Variants in MAST2 observed in about 807,000 individuals in gnomAD.
MAST2 encodes the protein microtubule associated serine/threonine kinase 2, also known as microtubule-associated serine/threonine-protein kinase 2.
Under a neutral mutation model 147.4 loss-of-function variants are expected in MAST2, and 70 were observed. The observed-to-expected ratio is 0.47, with a 90% CI of 0.39 to 0.58. MAST2 has a LOEUF of 0.58. MAST2 is among the 20% of genes least tolerant of loss of function. The pLI is 0.00. For missense variants in MAST2, 2,080 were observed against 2,302.3 expected (o/e 0.90, Z 1.98); for synonymous variants, 869 against 896.8 (o/e 0.97, Z 0.55).
chr1:45,867,866 T>A (rs1051045406), intron 3 of MAST2, among the ~76,000 whole-genome samples: 1 of 152,186 alleles, frequency 6.6e-6, no homozygotes, highest in African/African-American at 2.4e-5. Context: ...AACAATGAAG[T>A]CCAGAGGTTG....
intron 10 of MAST2, among the ~76,000 whole-genome samples, chr1:46,014,167 ATTTTTC>A (rs1231854343): frequency 6.7e-6 from 1 of 148,508 alleles, no homozygotes; most frequent in Non-Finnish European, 1.5e-5. Flanking sequence ...TTGATTATGT[ATTTTTC>A]TTTTTTTTAT....
chr1:45,911,681 C>T (rs941051990), intron 4 of MAST2, among the ~76,000 whole-genome samples: 4 of 151,306 alleles, frequency 2.6e-5, no homozygotes, highest in Admixed American at 2.6e-4. Context: ...TTCTCTGTGT[C>T]TTTAAAAAAT....
At chr1:45,996,424 C>T (rs1645061079) in intron 5 of MAST2, among the ~76,000 whole-genome samples, 2 of 152,152 alleles carry the variant, frequency 1.3e-5, no homozygotes, top group South Asian at 4.2e-4. Context: ...TTATTAAGTC[C>T]TGGCTAAGGA....
intron 11 of MAST2, among the ~76,000 whole-genome samples, chr1:46,021,181 A>T (rs1253241741): frequency 6.6e-6 from 1 of 152,220 alleles, no homozygotes; most frequent in Non-Finnish European, 1.5e-5. Context: ...CCAGATAGGT[A>T]CAGTTCTCCA....
chr1:45,916,617 G>A (rs188719792), intron 4 of MAST2, among the ~76,000 whole-genome samples: 35 of 152,146 alleles, frequency 2.3e-4, no homozygotes, highest in African/African-American at 8.0e-4. Context: ...AAACAAATTG[G>A]TATTATTGTT....
At chr1:45,859,358 C>T (rs1031792181) in intron 3 of MAST2, among the ~76,000 whole-genome samples, 1 of 152,208 alleles carries the variant, frequency 6.6e-6, no homozygotes, top group Non-Finnish European at 1.5e-5. Flanking sequence ...CCTTTGCTTC[C>T]CAAAGTGCTG....
intron 4 of MAST2, among the ~76,000 whole-genome samples, chr1:45,904,094 G>T (rs1389503421): frequency 6.6e-6 from 1 of 152,048 alleles, no homozygotes; most frequent in Non-Finnish European, 1.5e-5. Flanking sequence ...TTAAACTCCT[G>T]GTCTCAAGTG....
In MAST2 at chr1:46,034,160, C is replaced by G; in HGVS notation, c.3762C>G (p.Ser1254=). The change falls in exon 28 of 29, where the codon TCC becomes TCG. Residue 1254 remains serine (S), a synonymous_variant. Coordinates refer to ENST00000361297, the MANE Select transcript of MAST2 (RefSeq NM_015112.3). ...GCAGCCTTTCTTCCCTTAACCGCTC[C>G]TTGTCATCAGGGGAGAGTGGGCCAG... is the stretch of plus-strand genomic sequence containing the variant. ...TSRSLSSLNR[S]LSSGESGPGS... 1 of 1,614,158 alleles carries G rather than the reference C, an allele frequency of 6.2e-7. No homozygotes were observed. Among genetic ancestry groups the G allele is most frequent in the Non-Finnish European group, 8.5e-7 (1 of 1,180,012 alleles).
chr1:45,884,097 A>C (rs1452009147), intron 4 of MAST2, among the ~76,000 whole-genome samples: 1 of 151,832 alleles, frequency 6.6e-6, no homozygotes, highest in African/African-American at 2.4e-5. Flanking sequence ...TTTATACCAG[A>C]ATAATTTTTT....
chr1:45,913,856 G>T, intron 4 of MAST2: 3 of 1,242,212 alleles, frequency 2.4e-6, no homozygotes, highest in Non-Finnish European at 3.1e-6. Flanking sequence ...AAGAGAGACT[G>T]GGAGCACCAT....
rs370788535 is a variant in MAST2 at position 46,035,775 on chromosome 1, G to A, written c.5106G>A (p.Gln1702=). The A allele has an allele frequency of 2.3e-4, 379 of 1,614,116 alleles. No individual in the cohort carries two copies. The highest frequency in any genetic ancestry group is 6.0e-5 in the Non-Finnish European group (71 of 1,180,028). Residue 1702 remains glutamine, a synonymous_variant, in exon 29 of 29, where the codon CAG becomes CAA. Coordinates refer to ENST00000361297, the MANE Select transcript of MAST2 (RefSeq NM_015112.3). This position sits in a 1 kb window ranked among gnomAD's most constrained non-coding sequence, Gnocchi z 5.5. The part of the protein sequence containing the change: ...AQPKNLSPRE[Q]GKTQPPSAPR... ...CTAAGAACCTGTCTCCCAGGGAGCA[G>A]GGGAAGACACAGCCACCTAGTGCCC... is the stretch of plus-strand genomic sequence containing the variant.
intron 3 of MAST2, among the ~76,000 whole-genome samples, chr1:45,835,602 G>C (rs919225969): frequency 6.6e-6 from 1 of 151,228 alleles, no homozygotes; most frequent in Non-Finnish European, 1.5e-5. Flanking sequence ...GTTGAGATGA[G>C]ATTTTCAGAT....
At chr1:46,001,766 G>T (rs1279325598) in intron 6 of MAST2, among the ~76,000 whole-genome samples, 1 of 152,142 alleles carries the variant, frequency 6.6e-6, no homozygotes, top group African/African-American at 2.4e-5. Flanking sequence ...AGAAGCCCCA[G>T]CAAGATTTAT....
chr1:46,013,916 C>A (rs1645820766), intron 10 of MAST2, among the ~76,000 whole-genome samples: 1 of 152,138 alleles, frequency 6.6e-6, no homozygotes, highest in South Asian at 2.1e-4. Context: ...TCACCAACTG[C>A]TCAACCTTTC....
intron 3 of MAST2, among the ~76,000 whole-genome samples, chr1:45,835,948 T>C (rs1192074413): frequency 6.6e-6 from 1 of 152,256 alleles, no homozygotes; most frequent in Non-Finnish European, 1.5e-5. Context: ...TTATTCCTTT[T>C]TTATGGCTGA....
intron 3 of MAST2, 37 bp from the exon 4 acceptor site, chr1:45,882,327 G>T: frequency 5.8e-6 from 9 of 1,560,320 alleles, no homozygotes; most frequent in Non-Finnish European, 6.2e-6. Flanking sequence ...ACTCAGATGG[G>T]TTCTTATTTC....
chr1:45,847,752 C>T (rs1267195113), intron 3 of MAST2, among the ~76,000 whole-genome samples: 2 of 152,004 alleles, frequency 1.3e-5, no homozygotes, highest in Non-Finnish European at 2.9e-5. Flanking sequence ...TGAGATTTTG[C>T]CATATTGCCC....
intron 4 of MAST2, among the ~76,000 whole-genome samples, chr1:45,942,161 T>C (rs1043199239): frequency 3.4e-5 from 5 of 147,618 alleles, no homozygotes. Context: ...TTTTTTTTTT[T>C]AACTGAACCA....
At chr1:46,029,656 A>G in intron 19 of MAST2, 89 bp downstream of exon 19, 1 of 1,404,868 alleles carries the variant, frequency 7.1e-7, no homozygotes, top group Non-Finnish European at 9.8e-7. Flanking sequence ...GGCTTCGGTT[A>G]CGGGCAGCCC....
Sources: gnomAD v4.1 joint callset for allele counts (sites outside exome capture counted in the v4.1 genomes callset) on GRCh38, gnomAD v4.1.1 for gene constraint, Gnocchi (gnomAD v3.1) non-coding constraint, MANE v1.5 for transcripts, NCBI Gene and HGNC (gene_info 2026-07-23, HGNC 2026-07-21) for gene names.